The following ABCA1 variants were observed in gnomAD, a reference collection of about 807,000 sequenced individuals.
ABCA1 encodes the protein ATP binding cassette subfamily A member 1, also known as phospholipid-transporting ATPase ABCA1.
ABCA1 carries 133 observed loss-of-function variants against 262.5 expected under a neutral mutation model. The ratio of observed to expected loss-of-function variants is 0.51; its 90% CI spans 0.44 to 0.59. The LOEUF (loss-of-function observed/expected upper bound fraction) is 0.59, where lower values mean the gene tolerates loss of function less well. Ranked by LOEUF, ABCA1 falls within the 20% of genes least tolerant of loss-of-function variation. The pLI is 0.00. For missense variants in ABCA1, 2,452 were observed against 2,777.5 expected, an observed-to-expected ratio of 0.88 and a Z score of 2.63; for synonymous variants, 1,022 against 1,043.5, an observed-to-expected ratio of 0.98 and a Z score of 0.40.
intron 8 of ABCA1, among the ~76,000 whole-genome samples, chr9:104,841,002 GACTCATT>G (rs1703427995): frequency 6.6e-6 from 1 of 152,146 alleles, no homozygotes; most frequent in African/African-American, 2.4e-5. Flanking sequence ...CTCGATAACT[GACTCATT>G]TCTAAAACTC....
In ABCA1 at chr9:104,784,009, AG is replaced by A; in HGVS notation, c.*305del. On this transcript the variant is annotated 3_prime_UTR_variant, in exon 50 of 50. Transcript: ENST00000374736. ...ACACAGGAACAAAAAAAAAAAAAAAAGTGTGAGTTCAAACCCATATGTCCAT... is the reference window on the plus strand; with the variant it reads ...ACACAGGAACAAAAAAAAAAAAAAAATGTGAGTTCAAACCCATATGTCCAT... 3.8e-6 allele frequency: 1 copy of A among 264,310 alleles called. No individual in the cohort carries two copies. Among genetic ancestry groups the A allele is most frequent in the Non-Finnish European group, 7.3e-6 (1 of 137,386 alleles). The allele number at this position is 264,310 out of a possible 1,614,324, so 16.4% of individuals were successfully genotyped here.
chr9:104,820,008 C>A lies in ABCA1; in HGVS notation c.3022G>T (p.Val1008Leu), dbSNP rs776303990. ...GCCATCTGCTCCATCTCCGCCTTCA[C>A]GTGCTTCTCAGAGAGCCCTTTCAAG... ...ARLKGLSEKHVKAEMEQMALD... is the reference protein window; with the variant it reads ...ARLKGLSEKHLKAEMEQMALD... The change falls in exon 21 of 50, where the codon GTG becomes TTG. Residue 1008 changes from valine (V) to leucine (L), a missense_variant. By Grantham distance (32) the Val-to-Leu change is conservative. Transcript: ENST00000374736. 3.1e-6 allele frequency: 5 copies of A among 1,614,086 alleles called. No individual in the cohort carries two copies. Among genetic ancestry groups the A allele is most frequent in the Non-Finnish European group, 4.2e-6 (5 of 1,180,034 alleles).
chr9:104,793,472 T>C (rs533566378), intron 40 of ABCA1, among the ~76,000 whole-genome samples, 172 bp from the exon 41 acceptor site: 2 of 151,840 alleles, frequency 1.3e-5, no homozygotes, highest in East Asian at 3.9e-4. Flanking sequence ...TTTCCAAGTC[T>C]GATTTGGGAA....
chr9:104,896,912 T>C (rs958897870), intron 2 of ABCA1, among the ~76,000 whole-genome samples: 1 of 151,472 alleles, frequency 6.6e-6, no homozygotes, highest in African/African-American at 2.4e-5. Context: ...CTTATTTTTA[T>C]AGAGATGGAG....
intron 7 of ABCA1, among the ~76,000 whole-genome samples, chr9:104,851,977 T>C (rs1244553933): frequency 1.3e-5 from 2 of 152,214 alleles, no homozygotes; most frequent in Non-Finnish European, 2.9e-5. Context: ...CTCATCTACA[T>C]CTAAATTTTT....
intron 2 of ABCA1, among the ~76,000 whole-genome samples, chr9:104,893,448 A>AAAAAG (rs1564263906): frequency 6.7e-4 from 99 of 148,820 alleles, no homozygotes; most frequent in African/African-American, 2.1e-3. Context: ...AAAAAAAAAA[A>AAAAAG]AAAAGAAAAG....
rs13306067 is a variant in ABCA1 at position 104,831,867 on chromosome 9, G to C, written c.1510-40C>G. On this transcript the variant is annotated intron_variant, in intron 12 of 49. Transcript: ENST00000374736. ...GCCTTCATGAGAACGTTGGCAGCCAGGACAACAAGCAGTGGCTGAGACAAA... is the reference window on the plus strand; with the variant it reads ...GCCTTCATGAGAACGTTGGCAGCCACGACAACAAGCAGTGGCTGAGACAAA... 7 of 1,591,690 alleles carry C rather than the reference G, an allele frequency of 4.4e-6. No homozygotes were observed. In the East Asian group the frequency reaches 1.3e-4, roughly 30 times the overall value.
intron 22 of ABCA1, 116 bp from the exon 23 acceptor site, chr9:104,818,999 GC>G: frequency 1.0e-6 from 1 of 992,870 alleles, no homozygotes; most frequent in Non-Finnish European, 1.6e-6. Context: ...AGACCTGGAA[GC>G]CACCTTTCAC....
chr9:104,923,463 T>C (rs1842258145), intron 1 of ABCA1, among the ~76,000 whole-genome samples: 1 of 152,208 alleles, frequency 6.6e-6, no homozygotes. Flanking sequence ...GGTTTCAAGT[T>C]AAAGAGAATT....
intron 5 of ABCA1, among the ~76,000 whole-genome samples, chr9:104,869,535 G>C (rs1837408754): frequency 6.6e-6 from 1 of 152,196 alleles, no homozygotes; most frequent in Non-Finnish European, 1.5e-5. Context: ...ATGCTCTGCT[G>C]TCTTCTTGAA....
At chr9:104,806,470 G>A (rs1267675062) in intron 30 of ABCA1, 40 bp from the exon 31 acceptor site, 2 of 1,607,848 alleles carry the variant, frequency 1.2e-6, no homozygotes, top group Admixed American at 1.7e-5. Flanking sequence ...TACCAGAGAT[G>A]GCCTGGCCTT....
At chr9:104,896,480 G>A (rs771900637) in intron 2 of ABCA1, among the ~76,000 whole-genome samples, 16 of 151,978 alleles carry the variant, frequency 1.1e-4, no homozygotes, top group African/African-American at 2.4e-4. Context: ...TTAAAATAGC[G>A]ATAGGGTACT....
chr9:104,820,120 T>C (rs769372014), intron 20 of ABCA1, 51 bp from the exon 21 acceptor site: 3 of 1,612,144 alleles, frequency 1.9e-6, no homozygotes, highest in East Asian at 4.5e-5. Flanking sequence ...TACCCCAGAA[T>C]ACAGTGTCCC....
At chr9:104,900,082 A>G (rs1840541543) in intron 2 of ABCA1, among the ~76,000 whole-genome samples, 1 of 152,142 alleles carries the variant, frequency 6.6e-6, no homozygotes, top group Non-Finnish European at 1.5e-5. Context: ...GGTACAGGAG[A>G]GGCAGGGGAC....
intron 15 of ABCA1, among the ~76,000 whole-genome samples, chr9:104,827,493 A>C (rs1832903366): frequency 6.6e-6 from 1 of 152,316 alleles, no homozygotes. Flanking sequence ...AAGGACTATG[A>C]CTGGTGGCAC....
chr9:104,861,523 C>T (rs762533667), intron 6 of ABCA1, 156 bp downstream of exon 6: 164 of 1,079,758 alleles, frequency 1.5e-4, no homozygotes, highest in Non-Finnish European at 2.1e-4. Flanking sequence ...GCAATTCCTG[C>T]CTGAATAGGG....
At chr9:104,919,608 T>A (rs1386441210) in intron 1 of ABCA1, among the ~76,000 whole-genome samples, 1 of 145,902 alleles carries the variant, frequency 6.9e-6, no homozygotes, top group African/African-American at 2.7e-5. Context: ...CGAGACTCCA[T>A]CTCAAAAAAA....
intron 37 of ABCA1, 37 bp from the exon 38 acceptor site, chr9:104,796,461 A>T: frequency 6.6e-7 from 1 of 1,511,246 alleles, no homozygotes; most frequent in Non-Finnish European, 9.2e-7. Flanking sequence ...TTCACCCCTA[A>T]ATCAAATATA....
rs748245024 is a variant in ABCA1 at position 104,831,002 on chromosome 9, G to C, written c.1815C>G (p.Ile605Met). Reference protein sequence around the residue: ...YLQDVVEQAIIRVLTGTEKKT... With the variant: ...YLQDVVEQAIMRVLTGTEKKT... ...TCTTCTCGGTGCCCGTCAGCACCCT[G>C]ATGATTGCCTGCTCCACCACATCCT... is the stretch of plus-strand genomic sequence containing the variant. Residue 605 changes from isoleucine (I) to methionine (M), a missense_variant, in exon 14 of 50, where the codon ATC becomes ATG. Transcript: ENST00000374736. The C allele has an allele frequency of 6.2e-7, 1 of 1,613,860 alleles. No individual in the cohort carries two copies. The highest frequency in any genetic ancestry group is 8.5e-7 in the Non-Finnish European group (1 of 1,179,960).
Sources: allele counts gnomAD v4.1 joint callset (sites outside exome capture counted in the v4.1 genomes callset), GRCh38; gene constraint gnomAD v4.1.1; transcripts MANE v1.5; gene names NCBI Gene and HGNC (gene_info 2026-07-23, HGNC 2026-07-21).